CKAP5: variants seen among roughly 807,000 people sequenced by gnomAD.
CKAP5 encodes cytoskeleton associated protein 5, also known as cytoskeleton-associated protein 5.
Under a neutral mutation model 232.8 loss-of-function variants are expected in CKAP5, and 27 were observed. The ratio of observed to expected loss-of-function variants is 0.12; its 90% CI spans 0.09 to 0.16. The LOEUF is 0.16. Ranked by LOEUF, CKAP5 falls within the 10% of genes least tolerant of loss-of-function variation. CKAP5 has a pLI of 1.00. For synonymous variants in CKAP5, 785 were observed against 841.1 expected (o/e 0.93, Z 1.16); for missense variants, 1,838 against 2,424.7 (o/e 0.76, Z 5.08).
At chr11:46,832,307 T>G (rs1939811335) in intron 1 of CKAP5, among the ~76,000 whole-genome samples, 1 of 152,240 alleles carries the variant, frequency 6.6e-6, no homozygotes, top group Admixed American at 6.5e-5. Context: ...TTGCCACTAT[T>G]TTCCTAGTTA....
intron 13 of CKAP5, among the ~76,000 whole-genome samples, chr11:46,791,353 G>A (rs1043796142): frequency 1.3e-5 from 2 of 149,420 alleles, no homozygotes; most frequent in Non-Finnish European, 3.0e-5. Flanking sequence ...GGGCTTAAGC[G>A]AGCCTCCCAT....
At chr11:46,778,939 G>A (rs907449616) in intron 20 of CKAP5, among the ~76,000 whole-genome samples, 2 of 152,060 alleles carry the variant, frequency 1.3e-5, no homozygotes, top group African/African-American at 4.8e-5. Flanking sequence ...GCCTGGCATG[G>A]TGGCACGTGC....
At chr11:46,766,271 T>C (rs2065201914) in intron 27 of CKAP5, among the ~76,000 whole-genome samples, 1 of 152,186 alleles carries the variant, frequency 6.6e-6, no homozygotes, top group Admixed American at 6.5e-5. Context: ...CTTCGTAAGT[T>C]TAAAAAGATT....
chr11:46,783,192 C>G (rs1159429414), intron 18 of CKAP5, 82 bp downstream of exon 18: 1 of 743,240 alleles, frequency 1.3e-6, no homozygotes, highest in Admixed American at 2.4e-5. Context: ...AAATAAACAG[C>G]AATAGCTATT....
At chr11:46,829,834 T>TTTTGTG (rs1939736283) in intron 1 of CKAP5, among the ~76,000 whole-genome samples, 1 of 110,628 alleles carries the variant, frequency 9.0e-6, no homozygotes, top group African/African-American at 3.2e-5. Flanking sequence ...AATTCCTTTT[T>TTTTGTG]TGTATGTGTG....
intron 38 of CKAP5, among the ~76,000 whole-genome samples, chr11:46,752,223 C>CACACACAT (rs2065073929): frequency 7.5e-6 from 1 of 133,312 alleles, no homozygotes; most frequent in Non-Finnish European, 1.6e-5. Flanking sequence ...CACACACACA[C>CACACACAT]ACACACACAC....
In CKAP5 at chr11:46,760,471, T is replaced by C. The variant is rs968781327; in HGVS notation, c.4394+141A>G. ...AATGAAGACTGAAGAATCAAACATT[T>C]GGTTACAATACATTTACCCAGACAC... On this transcript the variant is annotated intron_variant, in intron 33 of 43. Transcript: ENST00000529230. 3.8e-6 allele frequency: 3 copies of C among 799,116 alleles called. No individual in the cohort carries two copies. In the African/African-American group the frequency reaches 5.2e-5, roughly 14 times the overall value. 49.5% of individuals were successfully genotyped at this position (799,116 alleles called of 1,614,324 possible). A position where few individuals can be genotyped will look rare whatever the true frequency, so the allele number is the denominator to read the frequency against.
intron 35 of CKAP5, 139 bp from the exon 36 acceptor site, chr11:46,755,206 CTTAT>C: frequency 4.7e-6 from 3 of 631,734 alleles, no homozygotes; most frequent in Admixed American, 3.9e-5. Flanking sequence ...AGCCCATTTA[CTTAT>C]TTATTTTATT....
chr11:46,797,486 A>G (rs562002863), intron 11 of CKAP5, among the ~76,000 whole-genome samples: 3 of 152,320 alleles, frequency 2.0e-5, no homozygotes, highest in Admixed American at 2.0e-4. Context: ...TCTATCTAAA[A>G]TAACTCACTC....
intron 2 of CKAP5, among the ~76,000 whole-genome samples, chr11:46,820,429 A>G (rs1939500005): frequency 6.6e-6 from 1 of 152,154 alleles, no homozygotes; most frequent in African/African-American, 2.4e-5. Context: ...GTAAGTTAGT[A>G]TATTTTATTC....
chr11:46,844,971 AT>A (rs982140099), intron 1 of CKAP5, among the ~76,000 whole-genome samples: 2 of 152,286 alleles, frequency 1.3e-5, no homozygotes, highest in Admixed American at 1.3e-4. Flanking sequence ...TTATTTAAAA[AT>A]TTTTTTACAT....
At chr11:46,791,255 T>G (rs78667897) in intron 13 of CKAP5, among the ~76,000 whole-genome samples, 90 of 150,440 alleles carry the variant, frequency 6.0e-4, no homozygotes, top group African/African-American at 2.0e-3. Context: ...GTTTTTTTTT[T>G]TTTTTGTTTT....
chr11:46,750,331 C>T lies in CKAP5; in HGVS notation c.5647G>A (p.Gly1883Ser), dbSNP rs756818663. 1 of 1,614,194 alleles carries T rather than the reference C, an allele frequency of 6.2e-7. No individual in the cohort carries two copies. Among genetic ancestry groups the T allele is most frequent in the Non-Finnish European group, 8.5e-7 (1 of 1,180,026 alleles). The change falls in exon 42 of 44, where the codon GGC becomes AGC. Residue 1883 changes from glycine to serine, a missense_variant. Physicochemically the swap from Gly to Ser is moderately conservative, Grantham distance 56 (BLOSUM62 0). Around this residue, in one of 6 missense-constraint regions of CKAP5, gnomAD observed 579 missense variants for 843.2 expected, o/e 0.69. Transcript: ENST00000529230. ...SQFFQSYVER[G>S]LRVIEMEREG... Reference sequence around the variant, plus strand: ...CTCTCCATCTCAATCACCCGAAGGCCTCTTTCGACATAGCTCTGGAAGAAC... The same window carrying T: ...CTCTCCATCTCAATCACCCGAAGGCTTCTTTCGACATAGCTCTGGAAGAAC...
At chr11:46,812,276 A>G (rs548397529) in intron 4 of CKAP5, among the ~76,000 whole-genome samples, 1 of 152,250 alleles carries the variant, frequency 6.6e-6, no homozygotes, top group Non-Finnish European at 1.5e-5. Context: ...GGTTGCAGTG[A>G]GCCGAGATCG....
chr11:46,767,195 T>C (rs917630865), intron 27 of CKAP5, among the ~76,000 whole-genome samples: 3 of 152,152 alleles, frequency 2.0e-5, no homozygotes, highest in Non-Finnish European at 4.4e-5. Flanking sequence ...AATTTTTGTA[T>C]TTTTAGGAGA....
At chr11:46,805,048 G>A (rs1162072975) in intron 8 of CKAP5, among the ~76,000 whole-genome samples, 1 of 150,668 alleles carries the variant, frequency 6.6e-6, no homozygotes, top group Non-Finnish European at 1.5e-5. Context: ...CCAACATGAT[G>A]AAACCCTGTC....
Position 46,788,921 on chromosome 11 carries a change from C to T in CKAP5, c.1876-148G>A, listed in dbSNP as rs1002242359. On this transcript the variant is annotated intron_variant, in intron 15 of 43. Transcript: ENST00000529230. ...TTATTGAGGGAGCTTATATAGCTTC[C>T]GCTGTTATGCTTTATTTCTTTGTGT... 30 of 614,194 alleles carry T rather than the reference C, an allele frequency of 4.9e-5. No individual in the cohort carries two copies. The Middle Eastern group carries it at 2.0e-3, about 41-fold the overall frequency. 38.0% of individuals were successfully genotyped at this position (614,194 alleles called of 1,614,324 possible).
chr11:46,821,052 C>A, intron 2 of CKAP5, 123 bp downstream of exon 2: 4 of 578,322 alleles, frequency 6.9e-6, no homozygotes, highest in Non-Finnish European at 8.7e-6. Context: ...AATAACATAT[C>A]TAACAAGGCA....
chr11:46,778,096 G>C, intron 22 of CKAP5, 43 bp downstream of exon 22: 1 of 1,528,344 alleles, frequency 6.5e-7, no homozygotes, highest in Non-Finnish European at 8.9e-7. Context: ...TCCTGCAGCA[G>C]TGGGGAGGGG....
Sources: allele counts gnomAD v4.1 joint callset (sites outside exome capture counted in the v4.1 genomes callset), GRCh38; gene constraint gnomAD v4.1.1; regional missense constraint gnomAD v4.1.1; transcripts MANE v1.5; gene names NCBI Gene and HGNC (gene_info 2026-07-23, HGNC 2026-07-21).